Variants in LINGO2 observed in about 807,000 individuals in gnomAD.
LINGO2 encodes the protein leucine rich repeat and Ig domain containing 2.
In LINGO2, 14 loss-of-function variants were observed where a neutral mutation model predicts 30.6. The observed-to-expected ratio is 0.46, with a 90% CI of 0.30 to 0.72. LINGO2 has a LOEUF of 0.72. Ranked by LOEUF, LINGO2 falls within the 30% of genes least tolerant of loss-of-function variation. LINGO2 has a pLI of 0.07. For synonymous variants in LINGO2, 317 were observed against 288.5 expected, an observed-to-expected ratio of 1.10 and a Z score of -1.00; for missense variants, 729 against 751.7, an observed-to-expected ratio of 0.97 and a Z score of 0.35.
chr9:28,377,354 A>G (rs72711429), intron 2 of LINGO2, among the ~76,000 whole-genome samples: 5,001 of 152,186 alleles, frequency 0.033, 218 homozygotes, highest in East Asian at 0.23. Flanking sequence ...TCTATCCCTT[A>G]TGATTTACTT....
rs1372919680 is a variant in LINGO2 at position 27,960,381 on chromosome 9, T to A, written c.-35-9675A>T. 2.6e-5 allele frequency among the ~76,000 whole-genome samples: 4 copies of A among 152,190 alleles called. No homozygotes were observed. In the East Asian group the frequency reaches 7.7e-4, roughly 29 times the overall value. ...ACAGAGGTGAACTGATAGCATTCGA[T>A]AAAACATGACCTGAGAAGCATCTAA... On this transcript the variant is annotated intron_variant, in intron 5 of 5. Transcript: ENST00000379992.
At chr9:28,222,308 AAAT>A (rs1326222002) in intron 4 of LINGO2, among the ~76,000 whole-genome samples, 2 of 152,218 alleles carry the variant, frequency 1.3e-5, no homozygotes, top group African/African-American at 4.8e-5. Flanking sequence ...TAGTGCATGA[AAAT>A]AAATGGCATT....
chr9:28,856,350 C>A, the LINGO2 span, among the ~76,000 whole-genome samples: 8 of 151,858 alleles, frequency 5.3e-5, no homozygotes, highest in Non-Finnish European at 1.2e-4. Flanking sequence ...AATAATGATT[C>A]CCTCTCTCAT....
At chr9:28,931,669 C>T in the LINGO2 span, among the ~76,000 whole-genome samples, 2 of 152,110 alleles carry the variant, frequency 1.3e-5, no homozygotes, top group Non-Finnish European at 2.9e-5. Flanking sequence ...CTTTTTGACT[C>T]TAAGAGCTTA....
chr9:28,446,816 G>T (rs1021883620), intron 2 of LINGO2, among the ~76,000 whole-genome samples: 5 of 152,176 alleles, frequency 3.3e-5, no homozygotes, highest in African/African-American at 1.2e-4. Context: ...TAGGCTTTCT[G>T]CCTTCCCATT....
chr9:28,305,216 A>C (rs1460378069), intron 3 of LINGO2, among the ~76,000 whole-genome samples: 1 of 152,102 alleles, frequency 6.6e-6, no homozygotes, highest in East Asian at 1.9e-4. Flanking sequence ...GGGACTAGAA[A>C]GAAATTTCTT....
the LINGO2 span, among the ~76,000 whole-genome samples, chr9:28,917,604 C>T: frequency 1.3e-5 from 2 of 152,036 alleles, no homozygotes; most frequent in African/African-American, 4.8e-5. Flanking sequence ...AGGCACCCAC[C>T]ACCAGAATAA....
intron 4 of LINGO2, among the ~76,000 whole-genome samples, chr9:28,082,817 C>G (rs1375550059): frequency 6.6e-6 from 1 of 152,092 alleles, no homozygotes; most frequent in Non-Finnish European, 1.5e-5. Flanking sequence ...TCTGGATTGT[C>G]CTGCCATCTC....
chr9:28,348,793 T>C lies in LINGO2; in HGVS notation c.-246+24043A>G, dbSNP rs543872408. Among the ~76,000 whole-genome samples, 87 of 152,104 alleles carry C rather than the reference T, an allele frequency of 5.7e-4. No individual in the cohort carries two copies. In the East Asian group the frequency reaches 7.6e-3, roughly 13 times the overall value. ...AGCAGTGGTTCTCCCAGCACGCAGC[T>C]GGAGATCTGAGAACGGGCAGACTGC... On this transcript the variant is annotated intron_variant, in intron 3 of 5. Coordinates refer to ENST00000379992, the Ensembl canonical transcript of LINGO2.
At chr9:27,957,709 A>C (rs1315314302) in intron 5 of LINGO2, among the ~76,000 whole-genome samples, 1 of 152,202 alleles carries the variant, frequency 6.6e-6, no homozygotes, top group African/African-American at 2.4e-5. Flanking sequence ...ATTTCCATAT[A>C]AATTTTAGCA....
chr9:28,698,453 A>C, the LINGO2 span, among the ~76,000 whole-genome samples: 1 of 152,076 alleles, frequency 6.6e-6, no homozygotes, highest in East Asian at 1.9e-4. Flanking sequence ...ATATCTCCAA[A>C]CGTCTGATTT....
intron 3 of LINGO2, among the ~76,000 whole-genome samples, chr9:28,357,785 A>G (rs1820286932): frequency 6.6e-6 from 1 of 152,094 alleles, no homozygotes; most frequent in Non-Finnish European, 1.5e-5. Flanking sequence ...AGTGAAGAAG[A>G]GTGGGGAACT....
chr9:29,132,811 T>C, the LINGO2 span, among the ~76,000 whole-genome samples: 2 of 152,180 alleles, frequency 1.3e-5, no homozygotes, highest in African/African-American at 4.8e-5. Flanking sequence ...CCTAATGCCC[T>C]ACACATAGAA....
At chr9:28,309,272 G>A (rs1000535328) in intron 3 of LINGO2, among the ~76,000 whole-genome samples, 4 of 152,144 alleles carry the variant, frequency 2.6e-5, no homozygotes, top group African/African-American at 4.8e-5. Flanking sequence ...ATGAGTTCAT[G>A]TCCTTTGTAG....
At chr9:29,149,426 C>G in the LINGO2 span, among the ~76,000 whole-genome samples, 1 of 151,862 alleles carries the variant, frequency 6.6e-6, no homozygotes, top group Admixed American at 6.6e-5. Flanking sequence ...ACACTTTGAA[C>G]AGATATTTCA....
At chr9:29,090,397 C>T in the LINGO2 span, among the ~76,000 whole-genome samples, 1 of 151,990 alleles carries the variant, frequency 6.6e-6, no homozygotes, top group Non-Finnish European at 1.5e-5. Flanking sequence ...TTTTCACGAA[C>T]CCTCTGAGCA....
At chr9:28,074,494 GCTTCTGT>G (rs1005724557) in intron 4 of LINGO2, among the ~76,000 whole-genome samples, 1 of 152,142 alleles carries the variant, frequency 6.6e-6, no homozygotes, top group African/African-American at 2.4e-5. Context: ...GAAAGACATG[GCTTCTGT>G]CTTCCAGAAC....
intron 1 of LINGO2, among the ~76,000 whole-genome samples, chr9:28,553,876 G>C (rs959921012): frequency 1.9e-4 from 29 of 152,144 alleles, no homozygotes; most frequent in African/African-American, 7.0e-4. Context: ...TTTCGACCCA[G>C]AATTTCATAT....
intron 4 of LINGO2, among the ~76,000 whole-genome samples, chr9:28,025,678 T>A (rs1223986879): frequency 6.6e-6 from 1 of 152,200 alleles, no homozygotes; most frequent in African/African-American, 2.4e-5. Flanking sequence ...AAACTCATAC[T>A]CTAATAACTG....
Sources: allele counts gnomAD v4.1 joint callset (sites outside exome capture counted in the v4.1 genomes callset), GRCh38; gene constraint gnomAD v4.1.1; transcripts MANE v1.5; gene names NCBI Gene and HGNC (gene_info 2026-07-23, HGNC 2026-07-21).